Variants in ENOX2 observed in about 807,000 individuals in gnomAD.
The protein encoded by ENOX2 is APK1 antigen.
Under a neutral mutation model 45.0 loss-of-function variants are expected in ENOX2, and 36 were observed. The observed-to-expected ratio is 0.80, with a 90% confidence interval of 0.61 to 1.06. ENOX2 has a LOEUF of 1.06. Ranked by LOEUF, ENOX2 falls within the 50% of genes least tolerant of loss-of-function variation. The probability of loss-of-function intolerance (pLI) is 0.00; values close to 1 mark genes in which losing one functional copy is unlikely to be tolerated. For synonymous variants in ENOX2, 174 were observed against 152.3 expected (o/e 1.14, Z -1.05); for missense variants, 423 against 462.5 (o/e 0.91, Z 0.78).
At chrX:130,625,533 G>A (rs2035520361) in intron 14 of ENOX2, 88 bp from the exon 15 acceptor site, 29 of 957,620 alleles carry the variant, frequency 3.0e-5, no homozygotes, top group Non-Finnish European at 4.0e-5. Context: ...GAATGCTGAT[G>A]TGTCTGTGTG....
At chrX:130,861,472 C>A (rs1035060579) in intron 2 of ENOX2, among the ~76,000 whole-genome samples, 1 of 111,799 alleles carries the variant, frequency 8.9e-6, no homozygotes, top group Non-Finnish European at 1.9e-5. Flanking sequence ...TTTGCAGCAA[C>A]ATGGATGAAC....
At chrX:130,869,657 GT>G (rs2148550319) in intron 2 of ENOX2, among the ~76,000 whole-genome samples, 1 of 112,308 alleles carries the variant, frequency 8.9e-6, no homozygotes, top group Admixed American at 9.4e-5. Flanking sequence ...GTCATTGACA[GT>G]TTTTCCTGAT....
At chrX:130,767,313 C>T (rs1420805029) in intron 3 of ENOX2, among the ~76,000 whole-genome samples, 2 of 111,723 alleles carry the variant, frequency 1.8e-5, no homozygotes. Flanking sequence ...CTGCTGTATA[C>T]CTATCAACTA....
At chrX:130,768,703 A>G (rs1417647697) in intron 3 of ENOX2, among the ~76,000 whole-genome samples, 1 of 111,957 alleles carries the variant, frequency 8.9e-6, no homozygotes, top group Non-Finnish European at 1.9e-5. Context: ...AGGGAAGGGG[A>G]TAAAATTACT....
chrX:130,719,234 T>A (rs2038408273), intron 3 of ENOX2, among the ~76,000 whole-genome samples: 1 of 111,020 alleles, frequency 9.0e-6, no homozygotes, highest in Non-Finnish European at 1.9e-5. Flanking sequence ...TGCTGGCAAT[T>A]ATTTTGGTGA....
chrX:130,883,425 CTTATTA>C (rs2078854050), intron 2 of ENOX2, among the ~76,000 whole-genome samples: 1 of 111,364 alleles, frequency 9.0e-6, no homozygotes, highest in African/African-American at 3.3e-5. Flanking sequence ...GTTAGCTATT[CTTATTA>C]TTGTGTTTAT....
At chrX:130,657,787 A>C (rs1316275363) in intron 9 of ENOX2, among the ~76,000 whole-genome samples, 1 of 112,217 alleles carries the variant, frequency 8.9e-6, no homozygotes, top group Non-Finnish European at 1.9e-5. Context: ...ATCTAGGATA[A>C]AGCCCAAAAT....
intron 3 of ENOX2, among the ~76,000 whole-genome samples, chrX:130,726,441 A>C (rs1230264099): frequency 8.9e-6 from 1 of 112,454 alleles, no homozygotes; most frequent in Non-Finnish European, 1.9e-5. Flanking sequence ...TTTCACGCAT[A>C]CTGCTGCTTC....
At chrX:130,639,041 A>G (rs1266185919) in intron 10 of ENOX2, among the ~76,000 whole-genome samples, 7 of 110,700 alleles carry the variant, frequency 6.3e-5, no homozygotes, top group Non-Finnish European at 1.1e-4. Context: ...GTCATTGGAG[A>G]GCTCCCACAC....
At chrX:130,784,683 G>C (rs910795993) in intron 2 of ENOX2, among the ~76,000 whole-genome samples, 4 of 106,546 alleles carry the variant, frequency 3.8e-5, no homozygotes, top group African/African-American at 1.0e-4. Flanking sequence ...CACCTCCCGG[G>C]TTCAAGCGAT....
intron 14 of ENOX2, among the ~76,000 whole-genome samples, chrX:130,626,278 G>T (rs777943747): frequency 9.4e-4 from 106 of 112,387 alleles, no homozygotes; most frequent in African/African-American, 3.2e-3. Context: ...GCTGGCAGTA[G>T]ACTGTATCCA....
chrX:130,669,330 G>A (rs772801222), intron 7 of ENOX2, among the ~76,000 whole-genome samples: 2 of 112,228 alleles, frequency 1.8e-5, no homozygotes, highest in Non-Finnish European at 3.8e-5. Flanking sequence ...CAAACAAGGG[G>A]AACAAGAATC....
At position 130,662,062 on chromosome X, in the gene ENOX2, C is replaced by T. The variant is rs180712573; in HGVS notation, c.1014+3581G>A. 4.0e-4 allele frequency among the ~76,000 whole-genome samples: 45 copies of T among 111,589 alleles called. 1 individual carries two copies. In the Admixed American group the frequency reaches 4.1e-3, roughly 10 times the overall value. On this transcript the variant is annotated intron_variant, in intron 9 of 14. Transcript: ENST00000394363. The stretch of plus-strand genomic sequence containing the variant: ...AGAAACACATAGGTTTTAAGTGATT[C>T]TGTAGAAAAAGAGTTCCCACAACAC...
intron 3 of ENOX2, among the ~76,000 whole-genome samples, chrX:130,728,639 CT>C (rs1479587980): frequency 4.5e-5 from 5 of 111,217 alleles, no homozygotes; most frequent in African/African-American, 1.6e-4. Flanking sequence ...TAAAATTTTT[CT>C]GTTCAAATTA....
intron 2 of ENOX2, among the ~76,000 whole-genome samples, chrX:130,836,256 C>T (rs906907469): frequency 8.9e-6 from 1 of 111,761 alleles, no homozygotes; most frequent in Non-Finnish European, 1.9e-5. Flanking sequence ...TGAAATATCA[C>T]TGGTGCTTTA....
intron 2 of ENOX2, among the ~76,000 whole-genome samples, chrX:130,888,795 G>A (rs2078945758): frequency 8.9e-6 from 1 of 111,885 alleles, no homozygotes; most frequent in African/African-American, 3.2e-5. Flanking sequence ...ACGTTTTTGA[G>A]AAAATTTTAA....
intron 10 of ENOX2, chrX:130,646,092 T>C (rs777007613): frequency 1.8e-6 from 1 of 540,768 alleles, no homozygotes; most frequent in East Asian, 3.4e-5. Context: ...GCCAAATGGC[T>C]GCTGAGTACT....
At chrX:130,714,445 G>A (rs2038274837) in intron 3 of ENOX2, among the ~76,000 whole-genome samples, 1 of 111,468 alleles carries the variant, frequency 9.0e-6, no homozygotes, top group Non-Finnish European at 1.9e-5. Context: ...TGGCACTGGG[G>A]ACTCTGCCTG....
At chrX:130,834,464 CT>C (rs1262502734) in intron 2 of ENOX2, among the ~76,000 whole-genome samples, 1 of 111,067 alleles carries the variant, frequency 9.0e-6, no homozygotes, top group Non-Finnish European at 1.9e-5. Flanking sequence ...TTTTTTTCCC[CT>C]GATAAACATT....
Sources: gnomAD v4.1 joint callset for allele counts (sites outside exome capture counted in the v4.1 genomes callset) on GRCh38, gnomAD v4.1.1 for gene constraint, MANE v1.5 for transcripts, NCBI Gene and HGNC (gene_info 2026-07-23, HGNC 2026-07-21) for gene names.